OR51B5: variants seen among roughly 807,000 people sequenced by gnomAD.
The protein encoded by OR51B5 is olfactory receptor family 51 subfamily B member 5.
For missense variants in OR51B5, 456 were observed against 374.6 expected, an observed-to-expected ratio of 1.22 and a Z score of -1.79; for synonymous variants, 186 against 144.8, an observed-to-expected ratio of 1.28 and a Z score of -2.04.
chr11:5,372,451 A>G (rs1030890431), intron 1 of OR51B5, among the ~76,000 whole-genome samples: 1 of 152,128 alleles, frequency 6.6e-6, no homozygotes, highest in Admixed American at 6.5e-5. Context: ...TTTTTTGATA[A>G]TAGCCATCTC....
At chr11:5,435,025 G>A (rs988593502) in intron 1 of OR51B5, among the ~76,000 whole-genome samples, 1 of 152,122 alleles carries the variant, frequency 6.6e-6, no homozygotes, top group Non-Finnish European at 1.5e-5. Flanking sequence ...GCAAACTGGA[G>A]GTCAGGTGGT....
intron 1 of OR51B5, among the ~76,000 whole-genome samples, chr11:5,504,181 T>C (rs978479387): frequency 4.6e-5 from 7 of 152,316 alleles, no homozygotes; most frequent in Non-Finnish European, 1.0e-4. Context: ...GATGAAGATA[T>C]TAGTTTTGTT....
chr11:5,347,114 G>A (rs1849004460), upstream of OR51B5, among the ~76,000 whole-genome samples: 1 of 152,226 alleles, frequency 6.6e-6, no homozygotes, highest in Middle Eastern at 3.4e-3. Context: ...TCAAGCCACT[G>A]GTAGGACCTT....
chr11:5,485,640 G>A (rs940801595), intron 1 of OR51B5, among the ~76,000 whole-genome samples: 24 of 152,280 alleles, frequency 1.6e-4, no homozygotes, highest in Middle Eastern at 3.4e-3. Context: ...AAGCCTCTTT[G>A]CTGCTTCCAA....
chr11:5,463,803 A>T (rs16926541), intron 1 of OR51B5, among the ~76,000 whole-genome samples: 1 of 152,062 alleles, frequency 6.6e-6, no homozygotes, highest in Admixed American at 6.6e-5. Context: ...CTAAAGAGAT[A>T]CAGGAGGGAT....
chr11:5,494,025 C>T (rs562583267), intron 1 of OR51B5, among the ~76,000 whole-genome samples: 6 of 152,274 alleles, frequency 3.9e-5, no homozygotes, highest in East Asian at 3.9e-4. Flanking sequence ...TCCCAGCCAG[C>T]GGATACTTCA....
intron 1 of OR51B5, among the ~76,000 whole-genome samples, chr11:5,371,894 C>G (rs922831295): frequency 1.3e-5 from 2 of 152,036 alleles, no homozygotes; most frequent in Non-Finnish European, 2.9e-5. Context: ...CTTTGACCTA[C>G]TTCTCCCTAT....
At chr11:5,426,025 T>C (rs1426003394) in intron 1 of OR51B5, among the ~76,000 whole-genome samples, 1 of 152,212 alleles carries the variant, frequency 6.6e-6, no homozygotes, top group Non-Finnish European at 1.5e-5. Flanking sequence ...CAATATTATT[T>C]GGCAATTAAA....
chr11:5,446,234 C>A (rs1346369125), intron 1 of OR51B5, among the ~76,000 whole-genome samples: 1 of 151,452 alleles, frequency 6.6e-6, no homozygotes. Context: ...GCACATGTAC[C>A]CTAGAACTTA....
intron 1 of OR51B5, among the ~76,000 whole-genome samples, chr11:5,490,430 C>T (rs545195400): frequency 1.3e-5 from 2 of 152,202 alleles, no homozygotes; most frequent in Admixed American, 6.5e-5. Flanking sequence ...CTTAATACAA[C>T]TGTATATTCT....
At chr11:5,408,498 AATCT>A (rs1462809747) in intron 1 of OR51B5, among the ~76,000 whole-genome samples, 1 of 151,952 alleles carries the variant, frequency 6.6e-6, no homozygotes, top group Non-Finnish European at 1.5e-5. Context: ...TTATGTTCTC[AATCT>A]ATTTATTAAA....
intron 1 of OR51B5, among the ~76,000 whole-genome samples, chr11:5,474,696 A>G (rs1292101311): frequency 6.6e-6 from 1 of 152,232 alleles, no homozygotes; most frequent in African/African-American, 2.4e-5. Flanking sequence ...CTCATTGGAA[A>G]TTAATAACAT....
At chr11:5,342,328 T>G (rs911971744), downstream of OR51B5, among the ~76,000 whole-genome samples, 4 of 152,226 alleles carry the variant, frequency 2.6e-5, no homozygotes, top group Non-Finnish European at 5.9e-5. Context: ...AATAGATGCC[T>G]AAGGTATTGT....
intron 1 of OR51B5, among the ~76,000 whole-genome samples, chr11:5,459,876 CTG>C (rs1851020834): frequency 6.6e-6 from 1 of 152,176 alleles, no homozygotes; most frequent in Non-Finnish European, 1.5e-5. Context: ...AATCCTACTA[CTG>C]GGTATATACC....
chr11:5,430,431 A>G (rs1850516603), intron 1 of OR51B5, among the ~76,000 whole-genome samples: 1 of 152,212 alleles, frequency 6.6e-6, no homozygotes, highest in Non-Finnish European at 1.5e-5. Flanking sequence ...TTAGAAGAGA[A>G]AGTCATGTAC....
intron 1 of OR51B5, among the ~76,000 whole-genome samples, chr11:5,362,236 G>A (rs1054996423): frequency 1.3e-5 from 2 of 152,154 alleles, no homozygotes; most frequent in South Asian, 2.1e-4. Flanking sequence ...TGTTTCTGTC[G>A]GGGGATGGGA....
At chr11:5,403,125 C>G in intron 1 of OR51B5, 1 of 471,354 alleles carries the variant, frequency 2.1e-6, no homozygotes. Flanking sequence ...GCCACAATGC[C>G]CTCTCACATT....
intron 1 of OR51B5, among the ~76,000 whole-genome samples, chr11:5,360,979 AG>A (rs1333812543): frequency 7.3e-6 from 1 of 136,310 alleles, no homozygotes; most frequent in African/African-American, 2.8e-5. Context: ...ATCACACACC[AG>A]GGCCTGCAGT....
At chr11:5,392,186 T>C (rs1279330288) in intron 1 of OR51B5, 1 of 152,276 alleles carries the variant, frequency 6.6e-6, no homozygotes, top group East Asian at 1.9e-4. Context: ...TGTTTGTATG[T>C]GTGGGTGTTA....
Sources: allele counts gnomAD v4.1 joint callset (sites outside exome capture counted in the v4.1 genomes callset), GRCh38; gene constraint gnomAD v4.1.1; transcripts MANE v1.5; gene names NCBI Gene and HGNC (gene_info 2026-07-23, HGNC 2026-07-21).